Variants in TM9SF4 observed in about 807,000 individuals in gnomAD.
TM9SF4 encodes transmembrane 9 superfamily member 4, also known as dinucleotide oxidase disulfide thiol exchanger 3 superfamily member 4.
A neutral mutation model predicts 90.4 loss-of-function variants in TM9SF4; 26 were observed. That is an observed-to-expected ratio of 0.29 (90% confidence interval 0.21 to 0.40). The LOEUF is 0.40. TM9SF4 is among the 10% of genes least tolerant of loss of function. The pLI is 1.00. For missense variants in TM9SF4, 549 were observed against 834.8 expected, an observed-to-expected ratio of 0.66 and a Z score of 4.22; for synonymous variants, 293 against 315.4, an observed-to-expected ratio of 0.93 and a Z score of 0.75.
chr20:32,165,504 G>T lies in TM9SF4; in HGVS notation c.*60G>T. 6.9e-6 allele frequency: 11 copies of T among 1,584,284 alleles called. No individual in the cohort carries two copies. The highest frequency in any genetic ancestry group is 8.7e-6 in the Non-Finnish European group (10 of 1,155,668). ...CGGACAGGAAGCCACCCTGCGTGGG[G>T]GACTGCAGGCACGCAAAATAAAATA... On this transcript the variant is annotated 3_prime_UTR_variant, in exon 18 of 18. Transcript: ENST00000398022.
In TM9SF4 at chr20:32,123,042, G is replaced by A. The variant is rs1038714358; in HGVS notation, c.16-9971G>A. Among the ~76,000 whole-genome samples the A allele has an allele frequency of 6.7e-5, 10 of 149,974 alleles. No homozygotes were observed. The South Asian group carries it at 8.6e-4, about 13-fold the overall frequency. On this transcript the variant is annotated intron_variant, in intron 1 of 17. Coordinates refer to ENST00000398022, the MANE Select transcript of TM9SF4 (RefSeq NM_014742.4). ...AAACCAGTCAGGCGTGGCGGCGTGC[G>A]CCTGCAATTGCAGGCACTCCGCAGG...
At chr20:32,163,983 G>A (rs940988111) in intron 17 of TM9SF4, among the ~76,000 whole-genome samples, 1 of 152,092 alleles carries the variant, frequency 6.6e-6, no homozygotes, top group African/African-American at 2.4e-5. Context: ...CTGGAATATG[G>A]AAGACAAGGA....
intron 6 of TM9SF4, 53 bp downstream of exon 6, chr20:32,143,158 C>T (rs960778172): frequency 6.9e-6 from 11 of 1,597,450 alleles, no homozygotes. Context: ...CTGGGCTTCT[C>T]CACGCAGGGT....
intron 1 of TM9SF4, chr20:32,116,425 G>A (rs1382940621): frequency 6.6e-6 from 1 of 152,332 alleles, no homozygotes; most frequent in Non-Finnish European, 1.5e-5. Flanking sequence ...AGAGCAGTAC[G>A]TTTCTGCACT....
rs866319166 is a variant in TM9SF4 at position 32,130,789 on chromosome 20, G to A, written c.16-2224G>A. On this transcript the variant is annotated intron_variant, in intron 1 of 17. Transcript: ENST00000398022. ...TTGTCCATGGGGACCTGGAGTGGGA[G>A]GATTTGTTTTTCATGGCATACCCAT... Among the ~76,000 whole-genome samples the A allele has an allele frequency of 2.0e-5, 3 of 152,288 alleles. No homozygotes were observed. In the South Asian group the frequency reaches 6.2e-4, roughly 32 times the overall value.
intron 3 of TM9SF4, among the ~76,000 whole-genome samples, chr20:32,137,925 G>A (rs775155878): frequency 1.2e-4 from 19 of 152,114 alleles, no homozygotes; most frequent in Non-Finnish European, 2.5e-4. Context: ...AGTAAGTGAC[G>A]GAACTCCAGG....
chr20:32,125,224 C>T (rs1034285963), intron 1 of TM9SF4, among the ~76,000 whole-genome samples: 2 of 152,250 alleles, frequency 1.3e-5, no homozygotes, highest in Non-Finnish European at 2.9e-5. Context: ...ACAAGTCCAC[C>T]CCGCCTTATC....
chr20:32,141,745 A>T (rs2046683483), intron 4 of TM9SF4, 21 bp from the exon 5 acceptor site: 1 of 1,613,880 alleles, frequency 6.2e-7, no homozygotes, highest in Non-Finnish European at 8.5e-7. Flanking sequence ...AGAGGGACTG[A>T]GTGGGGCCTT....
intron 3 of TM9SF4, among the ~76,000 whole-genome samples, chr20:32,139,672 C>T (rs1371909120): frequency 5.9e-5 from 9 of 152,214 alleles, no homozygotes; most frequent in African/African-American, 2.2e-4. Context: ...TGTTAGAAAC[C>T]TTCATTGGAT....
At position 32,116,952 on chromosome 20, in the gene TM9SF4, GCTTA is replaced by G. The variant is rs553067152; in HGVS notation, c.15+7199_15+7202del. On this transcript the variant is annotated intron_variant, in intron 1 of 17. Coordinates refer to ENST00000398022, the MANE Select transcript of TM9SF4 (RefSeq NM_014742.4). ...ATGGTGACTGTCGCCAGGCACAGTG[GCTTA>G]CACCTGTAATCCCAGCACTTTGGGA... 2.6e-4 allele frequency among the ~76,000 whole-genome samples: 37 copies of G among 141,446 alleles called. 2 individuals are homozygous for G. In the East Asian group the frequency reaches 7.2e-3, roughly 27 times the overall value. The allele number at this position is 141,446 out of a possible 152,430, so 92.8% of individuals were successfully genotyped here. A position where few individuals can be genotyped will look rare whatever the true frequency, so the allele number is the denominator to read the frequency against.
chr20:32,149,188 T>A (rs2046806370), intron 9 of TM9SF4, among the ~76,000 whole-genome samples: 1 of 152,258 alleles, frequency 6.6e-6, no homozygotes, highest in Non-Finnish European at 1.5e-5. Flanking sequence ...TCGTTCTGTT[T>A]AAATTTTTCT....
At chr20:32,131,811 AC>A (rs1457062821) in intron 1 of TM9SF4, among the ~76,000 whole-genome samples, 9 of 152,038 alleles carry the variant, frequency 5.9e-5, no homozygotes, top group South Asian at 2.1e-4. Context: ...GATGCAATGG[AC>A]CTTTCTTGCC....
chr20:32,116,823 C>G (rs1211347749), intron 1 of TM9SF4, among the ~76,000 whole-genome samples: 2 of 143,150 alleles, frequency 1.4e-5, no homozygotes, highest in South Asian at 2.2e-4. Context: ...GTGCCCAAAG[C>G]CTTTTTCTTT....
chr20:32,141,216 CAAA>C (rs71185383), intron 3 of TM9SF4, among the ~76,000 whole-genome samples: 2 of 26,014 alleles, frequency 7.7e-5, no homozygotes, highest in Admixed American at 3.8e-4. Context: ...GACTCCATCT[CAAA>C]AAAAAAAAAA....
intron 15 of TM9SF4, chr20:32,159,644 A>G (rs2046983950): frequency 4.3e-6 from 1 of 234,022 alleles, no homozygotes; most frequent in Non-Finnish European, 8.4e-6. Flanking sequence ...ACACACATGT[A>G]GCAATTGTAT....
chr20:32,125,606 T>C (rs953675672), intron 1 of TM9SF4, among the ~76,000 whole-genome samples: 1 of 152,148 alleles, frequency 6.6e-6, no homozygotes. Flanking sequence ...CTGCATGTCA[T>C]GTGCTCCGCT....
At chr20:32,121,083 T>C (rs562156342) in intron 1 of TM9SF4, among the ~76,000 whole-genome samples, 2 of 152,292 alleles carry the variant, frequency 1.3e-5, no homozygotes, top group Non-Finnish European at 2.9e-5. Context: ...TTGTCCGTAG[T>C]TTCCATTTCT....
At position 32,165,291 on chromosome 20, in the gene TM9SF4, G is replaced by A. The variant is rs762445355; in HGVS notation, c.1780-4G>A. ...CCCTGTCTTCTTTCTGCTCGTGGCCGCAGCTGGACATCGTGGAGTTCATCC... is the reference window on the plus strand; with the variant it reads ...CCCTGTCTTCTTTCTGCTCGTGGCCACAGCTGGACATCGTGGAGTTCATCC... On this transcript the variant is annotated splice_polypyrimidine_tract_variant and splice_region_variant and intron_variant, in intron 17 of 17. Coordinates refer to ENST00000398022, the MANE Select transcript of TM9SF4 (RefSeq NM_014742.4). 40 of 1,613,902 alleles carry A rather than the reference G, an allele frequency of 2.5e-5. 1 individual carries two copies. Among genetic ancestry groups the A allele is most frequent in the East Asian group, 6.7e-5 (3 of 44,884 alleles).
intron 3 of TM9SF4, among the ~76,000 whole-genome samples, chr20:32,139,223 G>A (rs1208864305): frequency 2.6e-5 from 4 of 152,322 alleles, no homozygotes; most frequent in East Asian, 1.9e-4. Flanking sequence ...TCTGTGGGCC[G>A]ATAACCCCCA....
Sources: gnomAD v4.1 joint callset for allele counts (sites outside exome capture counted in the v4.1 genomes callset) on GRCh38, gnomAD v4.1.1 for gene constraint, MANE v1.5 for transcripts, NCBI Gene and HGNC (gene_info 2026-07-23, HGNC 2026-07-21) for gene names.